GAREM1: variants seen among roughly 807,000 people sequenced by gnomAD.
GAREM1 encodes GRB2 associated regulator of MAPK1 subtype 1.
Under a neutral mutation model 71.3 loss-of-function variants are expected in GAREM1, and 26 were observed. The observed-to-expected ratio is 0.36, with a 90% confidence interval of 0.27 to 0.51. The LOEUF (loss-of-function observed/expected upper bound fraction) is 0.51, where lower values mean the gene tolerates loss of function less well. Ranked by LOEUF, GAREM1 falls within the 20% of genes least tolerant of loss-of-function variation. The pLI, the probability that GAREM1 is intolerant of heterozygous loss-of-function variation, is 0.95. For missense variants in GAREM1, 1,026 were observed against 1,103.1 expected, an observed-to-expected ratio of 0.93 and a Z score of 0.99; for synonymous variants, 440 against 433.2, an observed-to-expected ratio of 1.02 and a Z score of -0.20.
At chr18:32,343,801 T>A (rs1174367259) in intron 2 of GAREM1, among the ~76,000 whole-genome samples, 1 of 152,134 alleles carries the variant, frequency 6.6e-6, no homozygotes, top group African/African-American at 2.4e-5. Context: ...ATGTGAGCAG[T>A]CAGAATGGAC....
At chr18:32,390,039 TA>T (rs2048181578) in intron 2 of GAREM1, among the ~76,000 whole-genome samples, 1 of 152,014 alleles carries the variant, frequency 6.6e-6, no homozygotes, top group South Asian at 2.1e-4. Context: ...TAGTGCCAGG[TA>T]CAAGCCTGTA....
chr18:32,280,751 T>C (rs1472067127), intron 4 of GAREM1, among the ~76,000 whole-genome samples: 2 of 152,220 alleles, frequency 1.3e-5, no homozygotes, highest in Non-Finnish European at 2.9e-5. Flanking sequence ...TGTGTGTTTT[T>C]GTAATATCTT....
At chr18:32,365,059 T>C (rs1346387400) in intron 2 of GAREM1, among the ~76,000 whole-genome samples, 1 of 152,196 alleles carries the variant, frequency 6.6e-6, no homozygotes, top group Non-Finnish European at 1.5e-5. Flanking sequence ...CCTGTGCCCT[T>C]AGCCATCTAC....
At chr18:32,388,005 T>C (rs1369266704) in intron 2 of GAREM1, among the ~76,000 whole-genome samples, 2 of 152,112 alleles carry the variant, frequency 1.3e-5, no homozygotes, top group East Asian at 1.9e-4. Context: ...CTACTTGGAA[T>C]AGGAGAGTGT....
chr18:32,353,272 A>G (rs1399154465), intron 2 of GAREM1, among the ~76,000 whole-genome samples: 4 of 152,200 alleles, frequency 2.6e-5, no homozygotes, highest in Admixed American at 2.0e-4. Flanking sequence ...ATTGTGGGCC[A>G]TGTGTTTTCT....
chr18:32,431,301 G>A (rs146230955), intron 1 of GAREM1, among the ~76,000 whole-genome samples: 73 of 152,216 alleles, frequency 4.8e-4, no homozygotes, highest in African/African-American at 1.6e-3. Context: ...TGCTATAACG[G>A]TCCAGAAGGA....
intron 2 of GAREM1, among the ~76,000 whole-genome samples, chr18:32,332,983 G>T (rs2047552405): frequency 6.7e-6 from 1 of 149,826 alleles, no homozygotes; most frequent in African/African-American, 2.5e-5. Flanking sequence ...GCCGTTAGGG[G>T]AGAATTTTTT....
At chr18:32,463,325 G>GA (rs34874987) in intron 1 of GAREM1, among the ~76,000 whole-genome samples, 53,168 of 148,862 alleles carry the variant, frequency 0.36, 9,664 homozygotes, top group African/African-American at 0.42. Context: ...CTGTTCTCTG[G>GA]AAAAAAAAAT....
chr18:32,379,254 C>T (rs2048069683), intron 2 of GAREM1, among the ~76,000 whole-genome samples: 2 of 152,006 alleles, frequency 1.3e-5, no homozygotes, highest in South Asian at 4.2e-4. Context: ...CACCAGTTGT[C>T]CCCTCTTCAC....
At chr18:32,393,558 A>C (rs1204676888) in intron 1 of GAREM1, among the ~76,000 whole-genome samples, 1 of 152,210 alleles carries the variant, frequency 6.6e-6, no homozygotes, top group Non-Finnish European at 1.5e-5. Context: ...TAATCACCAC[A>C]ATAAAGCTAC....
At chr18:32,444,724 G>T (rs1041588741) in intron 1 of GAREM1, among the ~76,000 whole-genome samples, 4 of 152,070 alleles carry the variant, frequency 2.6e-5, no homozygotes, top group Non-Finnish European at 5.9e-5. Context: ...TTTCCAACCT[G>T]CCCCGATGAA....
intron 2 of GAREM1, among the ~76,000 whole-genome samples, chr18:32,354,704 T>A (rs1429880625): frequency 1.3e-5 from 2 of 152,002 alleles, no homozygotes; most frequent in East Asian, 3.9e-4. Flanking sequence ...GGAAAAGCGG[T>A]GTGGCTGAGG....
intron 2 of GAREM1, among the ~76,000 whole-genome samples, chr18:32,343,084 C>T (rs527818506): frequency 6.6e-6 from 1 of 152,326 alleles, no homozygotes; most frequent in South Asian, 2.1e-4. Context: ...GTTTTAGGAA[C>T]TGCTATCTTC....
intron 3 of GAREM1, among the ~76,000 whole-genome samples, chr18:32,309,381 C>T (rs1353324404): frequency 6.7e-6 from 1 of 148,742 alleles, no homozygotes; most frequent in Non-Finnish European, 1.5e-5. Flanking sequence ...TTTGGGAGGC[C>T]AAGGTGGGCA....
chr18:32,428,497 C>T (rs887686785), intron 1 of GAREM1, among the ~76,000 whole-genome samples: 2 of 152,062 alleles, frequency 1.3e-5, no homozygotes, highest in African/African-American at 2.4e-5. Flanking sequence ...AAGTGTGTAG[C>T]ACCTCTCCCC....
chr18:32,414,472 A>C (rs1251542910), intron 1 of GAREM1, among the ~76,000 whole-genome samples: 1 of 152,162 alleles, frequency 6.6e-6, no homozygotes, highest in Non-Finnish European at 1.5e-5. Flanking sequence ...TTAGGTCACA[A>C]AACAAGTCTT....
chr18:32,341,702 G>A (rs1454889321), intron 2 of GAREM1, among the ~76,000 whole-genome samples: 1 of 152,108 alleles, frequency 6.6e-6, no homozygotes, highest in East Asian at 1.9e-4. Flanking sequence ...TTGGAAGATC[G>A]TCACACTCTG....
chr18:32,382,894 A>G (rs2144644253), intron 2 of GAREM1, among the ~76,000 whole-genome samples: 1 of 152,326 alleles, frequency 6.6e-6, no homozygotes. Context: ...CAGTTTTATT[A>G]AAGGAAAAGA....
rs558621757 is a variant in GAREM1 at position 32,298,951 on chromosome 18, AT to A, written c.394-10749del. Among the ~76,000 whole-genome samples the A allele has an allele frequency of 6.4e-3, 977 of 151,482 alleles. 9 individuals are homozygous for A. The highest frequency in any genetic ancestry group is 0.022 in the African/African-American group (918 of 41,184). ...TCCTAAATGGTGTTTATATATATAT[AT>A]TTTTTTTAACACAAAATAGGGCAAG... On this transcript the variant is annotated intron_variant, in intron 3 of 5. Transcript: ENST00000269209.
Sources: gnomAD v4.1 joint callset for allele counts (sites outside exome capture counted in the v4.1 genomes callset) on GRCh38, gnomAD v4.1.1 for gene constraint, MANE v1.5 for transcripts, NCBI Gene and HGNC (gene_info 2026-07-23, HGNC 2026-07-21) for gene names.